The following CNTN1 variants were observed in gnomAD, a reference collection of about 807,000 sequenced individuals.
CNTN1 encodes the protein contactin 1, also known as contactin-1.
Under a neutral mutation model 126.4 loss-of-function variants are expected in CNTN1, and 38 were observed. That is an observed-to-expected ratio of 0.30 (90% CI 0.23 to 0.39). The LOEUF (loss-of-function observed/expected upper bound fraction) is 0.39. CNTN1 is among the 10% of genes least tolerant of loss of function. The pLI, the probability that CNTN1 is intolerant of heterozygous loss-of-function variation, is 1.00. For synonymous variants in CNTN1, 413 were observed against 422.6 expected, an observed-to-expected ratio of 0.98 and a Z score of 0.28; for missense variants, 1,009 against 1,248.4, an observed-to-expected ratio of 0.81 and a Z score of 2.89.
chr12:40,989,492 T>C (rs758378762), intron 16 of CNTN1, among the ~76,000 whole-genome samples: 6 of 152,132 alleles, frequency 3.9e-5, no homozygotes, highest in Non-Finnish European at 2.9e-5. Flanking sequence ...TACATGACAA[T>C]ATAGAGTCAT....
intron 16 of CNTN1, among the ~76,000 whole-genome samples, chr12:40,991,667 C>A (rs1266469111): frequency 6.6e-6 from 1 of 151,922 alleles, no homozygotes; most frequent in African/African-American, 2.4e-5. Context: ...GTCTCTACTA[C>A]AAATACAAAA....
intron 1 of CNTN1, among the ~76,000 whole-genome samples, chr12:40,711,956 G>A (rs1241357796): frequency 6.6e-6 from 1 of 152,110 alleles, no homozygotes; most frequent in East Asian, 1.9e-4. Flanking sequence ...CTGGCCTGAA[G>A]TGATTGTCTT....
intron 1 of CNTN1, among the ~76,000 whole-genome samples, chr12:40,822,331 C>A (rs139434118): frequency 6.6e-6 from 1 of 150,974 alleles, no homozygotes; most frequent in African/African-American, 2.4e-5. Flanking sequence ...ATTTTTGTAC[C>A]TTTAGTAGAG....
intron 23 of CNTN1, among the ~76,000 whole-genome samples, chr12:41,046,371 C>T (rs890273177): frequency 1.3e-5 from 2 of 151,978 alleles, no homozygotes; most frequent in Non-Finnish European, 2.9e-5. Context: ...ACTCTGTCAC[C>T]AATAACAATC....
At chr12:41,008,288 AG>A (rs1342963491) in intron 17 of CNTN1, among the ~76,000 whole-genome samples, 1 of 152,224 alleles carries the variant, frequency 6.6e-6, no homozygotes, top group African/African-American at 2.4e-5. Context: ...GAGGTACCAT[AG>A]GCCACAATCA....
At chr12:40,910,318 T>C (rs1046676624) in intron 3 of CNTN1, among the ~76,000 whole-genome samples, 1 of 152,222 alleles carries the variant, frequency 6.6e-6, no homozygotes, top group Non-Finnish European at 1.5e-5. Context: ...TAGAGGATTG[T>C]AGCAAATGGA....
At chr12:41,049,527 A>T (rs909637587) in intron 23 of CNTN1, among the ~76,000 whole-genome samples, 4 of 152,256 alleles carry the variant, frequency 2.6e-5, no homozygotes, top group African/African-American at 7.2e-5. Context: ...ATTGAGAAAC[A>T]TCCACCTCTG....
intron 23 of CNTN1, among the ~76,000 whole-genome samples, chr12:41,035,664 T>C (rs902871343): frequency 6.6e-6 from 1 of 152,152 alleles, no homozygotes; most frequent in Non-Finnish European, 1.5e-5. Context: ...GGTAGGATGA[T>C]TAGGTCAAGC....
At chr12:40,697,969 T>A (rs929262249) in intron 1 of CNTN1, among the ~76,000 whole-genome samples, 1 of 152,230 alleles carries the variant, frequency 6.6e-6, no homozygotes, top group African/African-American at 2.4e-5. Context: ...TCTGCCAGGA[T>A]TATCCAGATG....
intron 1 of CNTN1, among the ~76,000 whole-genome samples, chr12:40,876,712 T>G (rs1166976472): frequency 2.0e-5 from 3 of 152,150 alleles, no homozygotes; most frequent in African/African-American, 7.2e-5. Flanking sequence ...ATATAATAAC[T>G]TTTCTTATTA....
At chr12:41,044,088 A>T (rs1397823408) in intron 23 of CNTN1, among the ~76,000 whole-genome samples, 1 of 151,236 alleles carries the variant, frequency 6.6e-6, no homozygotes, top group Non-Finnish European at 1.5e-5. Context: ...AGCATGGCAC[A>T]TGTATATATA....
At chr12:40,948,245 T>C (rs1252635598) in intron 14 of CNTN1, among the ~76,000 whole-genome samples, 1 of 144,310 alleles carries the variant, frequency 6.9e-6, no homozygotes, top group Non-Finnish European at 1.5e-5. Flanking sequence ...TGCTAGCTAG[T>C]TTTTCTTTCT....
At chr12:40,710,291 C>A (rs1941880129) in intron 1 of CNTN1, among the ~76,000 whole-genome samples, 2 of 152,066 alleles carry the variant, frequency 1.3e-5, no homozygotes, top group African/African-American at 4.8e-5. Flanking sequence ...GGAATTAGCC[C>A]TTGGTGGAGC....
At chr12:40,770,620 A>G (rs756359262) in intron 1 of CNTN1, among the ~76,000 whole-genome samples, 2 of 152,162 alleles carry the variant, frequency 1.3e-5, no homozygotes, top group Non-Finnish European at 2.9e-5. Context: ...GCCTATACCA[A>G]TTCACATATT....
At chr12:40,736,702 C>T (rs567890051) in intron 1 of CNTN1, among the ~76,000 whole-genome samples, 17 of 152,166 alleles carry the variant, frequency 1.1e-4, no homozygotes, top group Admixed American at 3.3e-4. Context: ...AACTAACTCA[C>T]ACATAATAAA....
chr12:40,987,354 A>G (rs1049442367), intron 16 of CNTN1, among the ~76,000 whole-genome samples: 4 of 152,212 alleles, frequency 2.6e-5, no homozygotes, highest in African/African-American at 9.6e-5. Flanking sequence ...AATCTATTGT[A>G]AATTTTACTT....
In CNTN1 at chr12:40,758,311, T is replaced by C. The variant is rs1592054956; in HGVS notation, c.-77+65719T>C. ...AGTTCAAAACAAAGTGTTTTTTTTT[T>C]AATTTGTTGGTGTTCTGAGAATTTT... On this transcript the variant is annotated intron_variant, in intron 1 of 23. Transcript: ENST00000551295. 2.0e-5 allele frequency among the ~76,000 whole-genome samples: 3 copies of C among 150,962 alleles called. No individual in the cohort carries two copies. The East Asian group carries it at 5.8e-4, about 29-fold the overall frequency.
chr12:40,920,511 G>C (rs778957165), intron 4 of CNTN1, among the ~76,000 whole-genome samples: 1 of 151,942 alleles, frequency 6.6e-6, no homozygotes, highest in Admixed American at 6.6e-5. Context: ...AAAAAAAAGT[G>C]GGGGGAAAGA....
intron 23 of CNTN1, among the ~76,000 whole-genome samples, chr12:41,032,906 G>T (rs549302104): frequency 2.0e-5 from 3 of 152,116 alleles, no homozygotes; most frequent in South Asian, 4.1e-4. Context: ...ATGTAGCAGG[G>T]TTTTAAAAAA....
Sources: allele counts gnomAD v4.1 joint callset (sites outside exome capture counted in the v4.1 genomes callset), GRCh38; gene constraint gnomAD v4.1.1; transcripts MANE v1.5; gene names NCBI Gene and HGNC (gene_info 2026-07-23, HGNC 2026-07-21).